CUX1: variants seen among roughly 807,000 people sequenced by gnomAD.
CUX1 encodes cut like homeobox 1.
In CUX1, 31 loss-of-function variants were observed where a neutral mutation model predicts 158.8. That is an observed-to-expected ratio of 0.20 (90% CI 0.15 to 0.26). The LOEUF (loss-of-function observed/expected upper bound fraction) is 0.26. Among genes scored for constraint, CUX1 ranks in the 10% least tolerant of loss-of-function variants. The pLI is 1.00. For missense variants in CUX1, 1,589 were observed against 2,014.6 expected, an observed-to-expected ratio of 0.79 and a Z score of 4.04; for synonymous variants, 879 against 862.1, an observed-to-expected ratio of 1.02 and a Z score of -0.34.
chr7:102,098,645 C>CT (rs76559878), intron 5 of CUX1, among the ~76,000 whole-genome samples: 79 of 143,316 alleles, frequency 5.5e-4, no homozygotes, highest in African/African-American at 8.0e-4. Flanking sequence ...GCAAAGACTT[C>CT]TTTTTTTTTT....
At chr7:101,872,916 G>A (rs1345474469) in intron 1 of CUX1, among the ~76,000 whole-genome samples, 2 of 151,612 alleles carry the variant, frequency 1.3e-5, no homozygotes, top group South Asian at 2.1e-4. Flanking sequence ...TCTGTCACCC[G>A]GGCTGGAGTG....
In CUX1 at chr7:102,205,104, T is replaced by C; in HGVS notation, c.3074-10T>C. On this transcript the variant is annotated splice_polypyrimidine_tract_variant and intron_variant, in intron 19 of 23. Coordinates refer to ENST00000292535, the MANE Select transcript of CUX1 (RefSeq NM_181552.4). ...TTCCTTCCTTTAATTATAACCTTTTTCTACTTTAGTCCTCCACTCCGTGAC... is the reference window on the plus strand; with the variant it reads ...TTCCTTCCTTTAATTATAACCTTTTCCTACTTTAGTCCTCCACTCCGTGAC... 6.3e-7 allele frequency: 1 copy of C among 1,599,616 alleles called. No individual in the cohort carries two copies. The highest frequency in any genetic ancestry group is 8.6e-7 in the Non-Finnish European group (1 of 1,167,608).
Position 102,280,400 on chromosome 7 carries a change from G to A in CUX1, c.1764+280G>A, listed in dbSNP as rs1791973058. Reference sequence around the variant, plus strand: ...CCTGCCGAGGACTACCCGAGGGTGTGTGGCAGTGACCGGGTTAACCTGGAG... The same window carrying A: ...CCTGCCGAGGACTACCCGAGGGTGTATGGCAGTGACCGGGTTAACCTGGAG... On this transcript the variant is annotated intron_variant, in intron 19 of 22. Coordinates refer to the CUX1 transcript ENST00000292538. Among the ~76,000 whole-genome samples the A allele has an allele frequency of 2.0e-5, 3 of 152,218 alleles. No individual in the cohort carries two copies. The South Asian group carries it at 6.2e-4, about 32-fold the overall frequency.
chr7:102,148,006 T>A (rs1270732548), intron 8 of CUX1, among the ~76,000 whole-genome samples: 1 of 152,064 alleles, frequency 6.6e-6, no homozygotes, highest in Non-Finnish European at 1.5e-5. Flanking sequence ...ATAAATAAAT[T>A]TGCATATTTG....
At chr7:102,177,072 C>T (rs982936892) in intron 10 of CUX1, among the ~76,000 whole-genome samples, 2 of 151,502 alleles carry the variant, frequency 1.3e-5, no homozygotes, top group Non-Finnish European at 2.9e-5. Context: ...AGTTCTTCAA[C>T]AAAGGAACAC....
intron 8 of CUX1, among the ~76,000 whole-genome samples, chr7:102,149,138 G>A (rs1554502868): frequency 6.6e-6 from 1 of 152,102 alleles, no homozygotes; most frequent in Admixed American, 6.6e-5. Context: ...CCACTGAAAA[G>A]TTGTTACAAA....
intron 9 of CUX1, among the ~76,000 whole-genome samples, chr7:102,163,740 G>A (rs1401261485): frequency 6.6e-6 from 1 of 152,132 alleles, no homozygotes; most frequent in Non-Finnish European, 1.5e-5. Flanking sequence ...GGAAGAGGAG[G>A]GCGCAGACAC....
intron 2 of CUX1, among the ~76,000 whole-genome samples, chr7:101,919,455 G>A (rs1180202734): frequency 1.3e-4 from 20 of 152,092 alleles, no homozygotes; most frequent in South Asian, 2.1e-4. Flanking sequence ...GCTTTCGCCC[G>A]TTGGGTAGGA....
At chr7:101,954,385 A>G (rs867873940) in intron 2 of CUX1, among the ~76,000 whole-genome samples, 28 of 152,378 alleles carry the variant, frequency 1.8e-4, no homozygotes, top group Admixed American at 2.0e-4. Flanking sequence ...TAAGGGCTCA[A>G]TAAATGTTAG....
chr7:102,113,685 G>T (rs150326732), intron 7 of CUX1, among the ~76,000 whole-genome samples: 4,719 of 152,190 alleles, frequency 0.031, 97 homozygotes, highest in Non-Finnish European at 0.042. Flanking sequence ...AGCCTCCCAA[G>T]TAGCTGGGAC....
intron 20 of CUX1, among the ~76,000 whole-genome samples, chr7:102,213,416 G>A (rs957058043): frequency 8.5e-5 from 13 of 152,240 alleles, no homozygotes; most frequent in Non-Finnish European, 4.4e-5. Context: ...TTGGGGCCAA[G>A]CTAGTATGGA....
chr7:102,056,236 G>T (rs10249739), intron 3 of CUX1, among the ~76,000 whole-genome samples: 2 of 152,092 alleles, frequency 1.3e-5, no homozygotes, highest in African/African-American at 2.4e-5. Context: ...AGATGATGGC[G>T]CTACACAACA....
intron 1 of CUX1, among the ~76,000 whole-genome samples, chr7:101,878,970 T>C (rs1799438945): frequency 6.6e-6 from 1 of 152,090 alleles, no homozygotes; most frequent in African/African-American, 2.4e-5. Context: ...CTGCACCCAG[T>C]CACGAGATCT....
At chr7:101,889,411 T>C (rs571362505) in intron 1 of CUX1, among the ~76,000 whole-genome samples, 227 of 152,324 alleles carry the variant, frequency 1.5e-3, no homozygotes, top group Non-Finnish European at 2.4e-3. Flanking sequence ...CACTTTTACT[T>C]ACTTCCAGCT....
At position 102,102,144 on chromosome 7, in the gene CUX1, G is replaced by A. The variant is rs373102116; in HGVS notation, c.407-2192G>A. Among the ~76,000 whole-genome samples the A allele has an allele frequency of 4.6e-5, 7 of 152,152 alleles. No individual in the cohort carries two copies. The South Asian group carries it at 1.0e-3, about 23-fold the overall frequency. ...GACCTGAACAGCCAAACCAAAAGGC[G>A]GAAAGTTGCCCAGTCCCCTCTGCTG... On this transcript the variant is annotated intron_variant, in intron 5 of 23. Transcript: ENST00000292535.
chr7:101,833,239 GA>G (rs796982088), intron 1 of CUX1, among the ~76,000 whole-genome samples: 45 of 139,942 alleles, frequency 3.2e-4, no homozygotes, highest in South Asian at 4.5e-4. Flanking sequence ...CATCTCTACA[GA>G]AAAAAAAAAA....
intron 2 of CUX1, among the ~76,000 whole-genome samples, chr7:101,991,758 CA>C (rs34948858): frequency 0.58 from 67,751 of 115,840 alleles, 17,646 homozygotes; most frequent in East Asian, 0.94. Flanking sequence ...GACTTCATCT[CA>C]AAAAAAAAAA....
intron 18 of CUX1, among the ~76,000 whole-genome samples, chr7:102,279,830 T>G (rs1486482285): frequency 6.6e-6 from 1 of 152,192 alleles, no homozygotes; most frequent in Non-Finnish European, 1.5e-5. Context: ...CCTGACCCCA[T>G]GGGTAACTCC....
intron 5 of CUX1, among the ~76,000 whole-genome samples, chr7:102,102,758 G>A (rs17135027): frequency 0.079 from 12,012 of 152,238 alleles, 662 homozygotes; most frequent in African/African-American, 0.14. Flanking sequence ...CTGTAGCAGC[G>A]GGCGACAATT....
Sources: gnomAD v4.1 joint callset for allele counts (sites outside exome capture counted in the v4.1 genomes callset) on GRCh38, gnomAD v4.1.1 for gene constraint, MANE v1.5 for transcripts, NCBI Gene and HGNC (gene_info 2026-07-23, HGNC 2026-07-21) for gene names.